Variants in VLDLR observed in about 807,000 individuals in gnomAD.
VLDLR encodes the protein very low-density lipoprotein receptor.
In VLDLR, 81 loss-of-function variants were observed where a neutral mutation model predicts 112.7. That is an observed-to-expected ratio of 0.72 (90% CI 0.60 to 0.86). The LOEUF is 0.86. VLDLR is among the 40% of genes least tolerant of loss of function. The pLI is 0.00. For missense variants in VLDLR, 1,237 were observed against 1,099.4 expected (o/e 1.13, Z -1.77); for synonymous variants, 436 against 384.8 (o/e 1.13, Z -1.56).
rs369458672 is a variant in VLDLR, at chr9:2,645,778, A to G, written c.1484+33A>G. The G allele has an allele frequency of 4.8e-5, 78 of 1,613,530 alleles. 1 individual carries two copies. The South Asian group carries it at 7.7e-4, about 16-fold the overall frequency. The stretch of plus-strand genomic sequence containing the variant: ...TCAGTTCCTTTTGTGGTGTCTTGAC[A>G]TAAGTCATTGTCACTTGGGAAGTGA... On this transcript the variant is annotated intron_variant, in intron 10 of 18. Coordinates refer to ENST00000382100, the MANE Select transcript of VLDLR (RefSeq NM_003383.5).
rs188432105 is a variant in VLDLR at position 2,647,696 on chromosome 9, G to A, written c.1822+104G>A. On this transcript the variant is annotated intron_variant, in intron 12 of 18. Transcript: ENST00000382100. ...ACTAGCAGATGACTCTACTGCTTCC[G>A]CCTAAATTCTAGCAGGAATTTTCAA... 1.3e-4 allele frequency: 139 copies of A among 1,036,560 alleles called. No individual in the cohort carries two copies. In the Admixed American group the frequency reaches 1.7e-3, roughly 13 times the overall value. The allele number at this position is 1,036,560 out of a possible 1,614,324, so 64.2% of individuals were successfully genotyped here.
In VLDLR at chr9:2,635,552, G is replaced by C; in HGVS notation, c.182G>C (p.Gly61Ala). Residue 61 changes from glycine to alanine, a missense_variant, in exon 2 of 19, where the codon GGC (glycine) becomes GCC (alanine). Coordinates refer to ENST00000382100, the MANE Select transcript of VLDLR (RefSeq NM_003383.5). The part of the protein sequence containing the change: ...KCDGDEDCVD[G>A]SDEKNCVKKT... ...GATGGGGATGAAGACTGTGTTGACG[G>C]CAGTGATGAAAAGAACTGTGGTAAG... The C allele has an allele frequency of 6.2e-7, 1 of 1,614,118 alleles. No homozygotes were observed. Among genetic ancestry groups the C allele is most frequent in the South Asian group, 1.1e-5 (1 of 91,086 alleles).
rs35769682 is a variant in VLDLR, at chr9:2,651,340, A to G, written c.2252-75A>G. Reference sequence around the variant, plus strand: ...ACCTGGTTTTAAAATAACCTTTTACATGGCTTGTCTGGACAAAACAGCTAG... The same window carrying G: ...ACCTGGTTTTAAAATAACCTTTTACGTGGCTTGTCTGGACAAAACAGCTAG... On this transcript the variant is annotated intron_variant, in intron 15 of 18. Coordinates refer to ENST00000382100, the MANE Select transcript of VLDLR (RefSeq NM_003383.5). 0.16 allele frequency: 212,188 copies of G among 1,303,326 alleles called. 19,260 individuals are homozygous for G. The highest frequency in any genetic ancestry group is 0.18 in the Non-Finnish European group (166,583 of 905,934). 80.7% of individuals were successfully genotyped at this position (1,303,326 alleles called of 1,614,324 possible). A position where few individuals can be genotyped will look rare whatever the true frequency, so the allele number is the denominator to read the frequency against.
chr9:2,625,324 G>A (rs1817041778), intron 1 of VLDLR, among the ~76,000 whole-genome samples: 1 of 152,192 alleles, frequency 6.6e-6, no homozygotes, highest in South Asian at 2.1e-4. Context: ...GTGGCTTCGG[G>A]TTTTGATCCC....
At chr9:2,652,544 C>T (rs941527584) in intron 17 of VLDLR, among the ~76,000 whole-genome samples, 1 of 152,174 alleles carries the variant, frequency 6.6e-6, no homozygotes, top group Non-Finnish European at 1.5e-5. Flanking sequence ...GGACCGAGGA[C>T]CCTGCCCTTG....
Position 2,645,563 on chromosome 9 carries a change from C to T in VLDLR, c.1313-11C>T. On this transcript the variant is annotated splice_polypyrimidine_tract_variant and intron_variant, in intron 9 of 18. Transcript: ENST00000382100. ...AAGCAAAACTAAGTAACCCAGACTT[C>T]CATCTTGCAGGCAAAGAGCCAAGTC... The T allele has an allele frequency of 1.2e-6, 2 of 1,614,198 alleles. No homozygotes were observed. Among genetic ancestry groups the T allele is most frequent in the South Asian group, 1.1e-5 (1 of 91,080 alleles).
intron 1 of VLDLR, among the ~76,000 whole-genome samples, chr9:2,633,049 A>AGTGTGTGTGTGTGTGTGTGTGT (rs1258054088): frequency 1.9e-5 from 2 of 107,000 alleles, no homozygotes; most frequent in African/African-American, 7.0e-5. Flanking sequence ...AGAGAGAGAG[A>AGTGTGTGTGTGTGTGTGTGTGT]GAGTGTGTGT....
intron 2 of VLDLR, among the ~76,000 whole-genome samples, chr9:2,638,149 G>C (rs1432017765): frequency 6.6e-6 from 1 of 152,148 alleles, no homozygotes; most frequent in African/African-American, 2.4e-5. Flanking sequence ...TAACATTAGT[G>C]TTTGAGTTTT....
chr9:2,628,756 G>A (rs575305146), intron 1 of VLDLR, among the ~76,000 whole-genome samples: 180 of 152,228 alleles, frequency 1.2e-3, no homozygotes, highest in African/African-American at 4.2e-3. Context: ...ATCAAAGATA[G>A]ACTACACAGG....
chr9:2,626,508 CA>C (rs1364083225), intron 1 of VLDLR, among the ~76,000 whole-genome samples: 2 of 152,156 alleles, frequency 1.3e-5, no homozygotes, highest in African/African-American at 4.8e-5. Context: ...AGCTTGGGCC[CA>C]ACAGTTATTT....
At position 2,622,125 on chromosome 9, in the gene VLDLR, G is replaced by A; in HGVS notation, c.-65G>A. On this transcript the variant is annotated 5_prime_UTR_variant, in exon 1 of 19. Coordinates refer to ENST00000382100, the MANE Select transcript of VLDLR (RefSeq NM_003383.5). ...CTTCTTCCTCCTTTCGGAAGGACTG[G>A]TAACTTGTCGTGCGGAGCGAACGGC... 4.2e-6 allele frequency: 6 copies of A among 1,425,048 alleles called. No individual in the cohort carries two copies. Among genetic ancestry groups the A allele is most frequent in the Non-Finnish European group, 5.6e-6 (6 of 1,079,832 alleles). The allele number at this position is 1,425,048 out of a possible 1,614,324, so 88.3% of individuals were successfully genotyped here.
At chr9:2,642,536 G>C (rs1817875564) in intron 4 of VLDLR, among the ~76,000 whole-genome samples, 1 of 152,162 alleles carries the variant, frequency 6.6e-6, no homozygotes, top group African/African-American at 2.4e-5. Context: ...CATTTGGCAG[G>C]AATTTAAGTC....
chr9:2,651,570 A>T (rs1464168120), intron 16 of VLDLR, 72 bp downstream of exon 16: 3 of 1,361,724 alleles, frequency 2.2e-6, no homozygotes, highest in Non-Finnish European at 3.1e-6. Flanking sequence ...AGCTTAAATA[A>T]TTAATGCAGC....
intron 1 of VLDLR, among the ~76,000 whole-genome samples, chr9:2,622,712 G>A (rs999786968): frequency 6.6e-6 from 1 of 152,114 alleles, no homozygotes; most frequent in South Asian, 2.1e-4. Context: ...GTGCGGGAGC[G>A]GACGGGGGGA....
rs1818512951 is a variant in VLDLR, at chr9:2,654,517, A to G, written c.*649A>G. Reference sequence around the variant, plus strand: ...GCCTGTTCCTCTAGGATGAACTCCTATCCTGAGTAGTACCAAGTGTTCTAA... The same window carrying G: ...GCCTGTTCCTCTAGGATGAACTCCTGTCCTGAGTAGTACCAAGTGTTCTAA... On this transcript the variant is annotated 3_prime_UTR_variant, in exon 19 of 19. Transcript: ENST00000382100. 6.4e-6 allele frequency: 1 copy of G among 156,746 alleles called. No individual in the cohort carries two copies. The highest frequency in any genetic ancestry group is 6.1e-5 in the Admixed American group (1 of 16,316). 9.7% of individuals were successfully genotyped at this position (156,746 alleles called of 1,614,324 possible).
At chr9:2,648,166 AGTAGT>A (rs1325169705) in intron 12 of VLDLR, 37 bp from the exon 13 acceptor site, 1 of 1,612,374 alleles carries the variant, frequency 6.2e-7, no homozygotes, top group Non-Finnish European at 8.5e-7. Context: ...AAGCCAGAGT[AGTAGT>A]GGCTTGTCAT....
rs1174297237 is a variant in VLDLR, at chr9:2,652,925, T to C, written c.2562T>C (p.Ala854=). 6.2e-7 allele frequency: 1 copy of C among 1,613,998 alleles called. No homozygotes were observed. The highest frequency in any genetic ancestry group is 8.5e-7 in the Non-Finnish European group (1 of 1,179,980). ...CCATAGACATTGGTAGACACAGTGC[T>C]TCTGTTGGACACACGTACCCAGCAG... ...DLSIDIGRHS[A]SVGHTYPAIS... is the part of the protein sequence containing the mutation. The change falls in exon 18 of 19, where the codon GCT becomes GCC. Residue 854 remains alanine (A), a synonymous_variant. Coordinates refer to ENST00000382100, the MANE Select transcript of VLDLR (RefSeq NM_003383.5).
chr9:2,635,733 G>C (rs1440216195), intron 2 of VLDLR, among the ~76,000 whole-genome samples, 161 bp downstream of exon 2: 2 of 152,104 alleles, frequency 1.3e-5, no homozygotes, highest in African/African-American at 4.8e-5. Context: ...GTTTGACGTG[G>C]GGTTATCAAC....
At chr9:2,644,071 G>GT in intron 7 of VLDLR, 112 bp downstream of exon 7, 1 of 1,471,478 alleles carries the variant, frequency 6.8e-7, no homozygotes, top group South Asian at 1.2e-5. Flanking sequence ...ATGTACTGAA[G>GT]TTCAATTGTA....
Sources: gnomAD v4.1 joint callset for allele counts (sites outside exome capture counted in the v4.1 genomes callset) on GRCh38, gnomAD v4.1.1 for gene constraint, MANE v1.5 for transcripts, NCBI Gene and HGNC (gene_info 2026-07-23, HGNC 2026-07-21) for gene names.